The following RBFOX2 variants were observed in gnomAD, a reference collection of about 807,000 sequenced individuals.
The protein encoded by RBFOX2 is RNA binding protein fox-1 homolog 2.
RBFOX2 carries 10 observed loss-of-function variants against 49.1 expected under a neutral mutation model. That is an observed-to-expected ratio of 0.20 (90% CI 0.13 to 0.35). The LOEUF (loss-of-function observed/expected upper bound fraction) is 0.35. RBFOX2 is among the 10% of genes least tolerant of loss of function. The probability of loss-of-function intolerance (pLI) is 1.00; values close to 1 mark genes in which losing one functional copy is unlikely to be tolerated. For synonymous variants in RBFOX2, 183 were observed against 187.4 expected (o/e 0.98, Z 0.19); for missense variants, 323 against 486.9 (o/e 0.66, Z 3.17).
intron 1 of RBFOX2, chr22:35,993,483 T>C (rs2058063074): frequency 1.3e-5 from 2 of 152,140 alleles, no homozygotes; most frequent in Non-Finnish European, 2.9e-5. Context: ...AAAGCAAAAA[T>C]TTAAGTAGAT....
At chr22:35,878,036 TACTACACACAC>T (rs1325489801) in intron 1 of RBFOX2, among the ~76,000 whole-genome samples, 123 of 109,314 alleles carry the variant, frequency 1.1e-3, no homozygotes, top group African/African-American at 5.1e-3. Context: ...CTACTACTAC[TACTACACACAC>T]ACACACACAC....
chr22:35,969,306 C>T (rs894674771), intron 1 of RBFOX2, among the ~76,000 whole-genome samples: 1 of 152,070 alleles, frequency 6.6e-6, no homozygotes, highest in East Asian at 1.9e-4. Flanking sequence ...GGCACAGTGG[C>T]TCACGCCTGT....
chr22:35,958,135 T>C (rs557724270), intron 1 of RBFOX2, among the ~76,000 whole-genome samples: 1 of 152,212 alleles, frequency 6.6e-6, no homozygotes, highest in Admixed American at 6.5e-5. Context: ...ATAATAAATT[T>C]TATTTTAATT....
intron 1 of RBFOX2, among the ~76,000 whole-genome samples, chr22:35,954,045 A>G (rs1053562395): frequency 6.6e-6 from 1 of 152,146 alleles, no homozygotes; most frequent in African/African-American, 2.4e-5. Context: ...TGGTTTCCTC[A>G]TATTCAGGCA....
Position 35,749,160 on chromosome 22 carries a change from T to C in RBFOX2, c.888-2599A>G, listed in dbSNP as rs965375631. Among the ~76,000 whole-genome samples, 1 of 152,198 alleles carries C rather than the reference T, an allele frequency of 6.6e-6. No individual in the cohort carries two copies. Among genetic ancestry groups the C allele is most frequent in the African/African-American group, 2.4e-5 (1 of 41,442 alleles). ...AATCTATCTGTAGCGGTTTCCTTCT[T>C]TGATAAGTCAAGTCTGACTTTGAAG... On this transcript the variant is annotated intron_variant, in intron 9 of 11. Coordinates refer to ENST00000405409, the Ensembl canonical transcript of RBFOX2. This position sits in a 1 kb window ranked among gnomAD's most constrained non-coding sequence, Gnocchi z 4.1.
chr22:35,947,812 A>T (rs2054483593), intron 1 of RBFOX2, among the ~76,000 whole-genome samples: 1 of 152,044 alleles, frequency 6.6e-6, no homozygotes. Context: ...AGAATCAAAA[A>T]GTTAAAAAAA....
chr22:36,028,815 G>T (rs542185066), exon 1 of RBFOX2, among the ~76,000 whole-genome samples: 2 of 152,076 alleles, frequency 1.3e-5, no homozygotes, highest in African/African-American at 2.4e-5. Context: ...AGGGAGGAAG[G>T]GGGCGGTCCG....
intron 1 of RBFOX2, among the ~76,000 whole-genome samples, chr22:35,890,127 T>C (rs577065703): frequency 3.3e-5 from 5 of 152,348 alleles, no homozygotes; most frequent in East Asian, 1.9e-4. Flanking sequence ...ATTCCATGAA[T>C]GTTCCTAAGA....
intron 1 of RBFOX2, among the ~76,000 whole-genome samples, chr22:35,919,914 A>G (rs2050841925): frequency 6.6e-6 from 1 of 152,164 alleles, no homozygotes. Flanking sequence ...CTGGGCTATT[A>G]GTTTTGTTTT....
intron 1 of RBFOX2, among the ~76,000 whole-genome samples, chr22:35,891,670 T>C (rs541893598): frequency 1.6e-4 from 25 of 152,318 alleles, no homozygotes; most frequent in African/African-American, 5.8e-4. Flanking sequence ...TATCCTGTTT[T>C]CTGGTAATTT....
intron 1 of RBFOX2, among the ~76,000 whole-genome samples, chr22:35,971,132 A>C (rs2056848075): frequency 6.6e-6 from 1 of 152,096 alleles, no homozygotes; most frequent in Non-Finnish European, 1.5e-5. Flanking sequence ...AGGTGGGAAA[A>C]CGGCCAAATT....
At chr22:35,910,348 A>G (rs1401539660) in intron 1 of RBFOX2, among the ~76,000 whole-genome samples, 1 of 152,244 alleles carries the variant, frequency 6.6e-6, no homozygotes, top group Non-Finnish European at 1.5e-5. Context: ...CAGGCTTCTA[A>G]CAGGATACTT....
intron 1 of RBFOX2, among the ~76,000 whole-genome samples, chr22:35,857,675 A>G (rs1033720764): frequency 1.3e-5 from 2 of 152,230 alleles, no homozygotes; most frequent in African/African-American, 2.4e-5. Context: ...ACACTGATGC[A>G]GTCTGTAACA....
intron 11 of RBFOX2, 146 bp downstream of exon 13, chr22:35,745,777 T>A (rs990563153): frequency 1.3e-6 from 1 of 777,812 alleles, no homozygotes; most frequent in Admixed American, 2.5e-5. Context: ...GAGGGTGACA[T>A]GAAACTTCCA....
chr22:35,781,463 G>T, intron 3 of RBFOX2, 137 bp downstream of exon 4: 1 of 1,180,276 alleles, frequency 8.5e-7, no homozygotes, highest in Non-Finnish European at 1.2e-6. Context: ...TCTAAAGACT[G>T]ATGAAAAGAC....
At chr22:35,903,844 T>C (rs561235733) in intron 1 of RBFOX2, among the ~76,000 whole-genome samples, 6 of 152,284 alleles carry the variant, frequency 3.9e-5, no homozygotes, top group African/African-American at 1.4e-4. Flanking sequence ...ATTTCCATTG[T>C]TGCTCCCTTC....
upstream of RBFOX2, chr22:35,939,216 A>C: frequency 1.9e-6 from 1 of 524,262 alleles, no homozygotes; most frequent in Non-Finnish European, 3.7e-6. Context: ...ACTTCATCAT[A>C]CACTGTGGGA....
chr22:35,919,833 T>C (rs1046226350), intron 1 of RBFOX2, among the ~76,000 whole-genome samples: 14 of 152,230 alleles, frequency 9.2e-5, no homozygotes, highest in African/African-American at 3.4e-4. Context: ...TATCAATGAT[T>C]CACTTTGCTA....
At chr22:36,028,461 A>AC in exon 1 of RBFOX2, 1 of 1,163,230 alleles carries the variant, frequency 8.6e-7, no homozygotes, top group Non-Finnish European at 1.1e-6. Context: ...GAGCCGGGCG[A>AC]CCCGCGACAG....
Sources: gnomAD v4.1 joint callset for allele counts (sites outside exome capture counted in the v4.1 genomes callset) on GRCh38, gnomAD v4.1.1 for gene constraint, Gnocchi (gnomAD v3.1) non-coding constraint, MANE v1.5 for transcripts, NCBI Gene and HGNC (gene_info 2026-07-23, HGNC 2026-07-21) for gene names.